SGCD: variants seen among roughly 807,000 people sequenced by gnomAD.
The protein encoded by SGCD is sarcoglycan delta.
In SGCD, 18 loss-of-function variants were observed where a neutral mutation model predicts 36.6. That is an observed-to-expected ratio of 0.49 (90% CI 0.34 to 0.73). The LOEUF is 0.73. Among genes scored for constraint, SGCD ranks in the 30% least tolerant of loss-of-function variants. The pLI is 0.01. For synonymous variants in SGCD, 133 were observed against 130.6 expected (o/e 1.02, Z -0.12); for missense variants, 387 against 346.7 (o/e 1.12, Z -0.92).
intron 1 of SGCD, among the ~76,000 whole-genome samples, chr5:155,929,861 A>T (rs187817168): frequency 2.2e-4 from 34 of 152,254 alleles, no homozygotes; most frequent in African/African-American, 7.9e-4. Context: ...ACAACTTTCC[A>T]TATTCACTTT....
chr5:156,184,371 G>GTTTTTTT lies in SGCD; in HGVS notation c.-44+60360_-44+60366dup, dbSNP rs3036754. 7.1e-5 allele frequency among the ~76,000 whole-genome samples: 10 copies of GTTTTTTT among 141,486 alleles called. 1 individual carries two copies. Among genetic ancestry groups the GTTTTTTT allele is most frequent in the East Asian group, 2.1e-4 (1 of 4,820 alleles). The allele number at this position is 141,486 out of a possible 152,430, so 92.8% of individuals were successfully genotyped here. On this transcript the variant is annotated intron_variant, in intron 3 of 9. Transcript: ENST00000517913. ...TATGAGGAAGGCTGACAAGCAGCCA[G>GTTTTTTT]TTTTTTTTTTTTTTCATTGTAAGCC...
chr5:155,933,171 C>T lies in SGCD; in HGVS notation c.-282+62747C>T, dbSNP rs1006655390. Among the ~76,000 whole-genome samples, 5 of 152,144 alleles carry T rather than the reference C, an allele frequency of 3.3e-5. No individual in the cohort carries two copies. In the East Asian group the frequency reaches 5.8e-4, roughly 18 times the overall value. ...CCTCTTATCCTCTCTTTTCTCTAGC[C>T]GTAGGGGTCTTCTTGGTTTTCAAAA... On this transcript the variant is annotated intron_variant, in intron 1 of 9. Transcript: ENST00000517913.
intron 3 of SGCD, among the ~76,000 whole-genome samples, chr5:156,357,999 C>A (rs1769577340): frequency 6.6e-6 from 1 of 152,222 alleles, no homozygotes; most frequent in South Asian, 2.1e-4. Flanking sequence ...AGTCTCAGTA[C>A]ATTCTGGTCC....
At chr5:156,373,249 G>T (rs548670955) in intron 3 of SGCD, among the ~76,000 whole-genome samples, 1 of 152,180 alleles carries the variant, frequency 6.6e-6, no homozygotes, top group Non-Finnish European at 1.5e-5. Context: ...TTACATTTTC[G>T]ACTTCTTCTT....
At chr5:156,336,164 C>G (rs180967704) in intron 2 of SGCD, among the ~76,000 whole-genome samples, 53 of 152,310 alleles carry the variant, frequency 3.5e-4, no homozygotes, top group Middle Eastern at 6.8e-3. Context: ...CCACACTGTC[C>G]TCCTCACCTG....
rs1396503540 is a variant in SGCD, at chr5:156,050,510, C to G, written c.-281-67368C>G. 1.4e-5 allele frequency among the ~76,000 whole-genome samples: 2 copies of G among 146,648 alleles called. 1 individual carries two copies. Among genetic ancestry groups the G allele is most frequent in the Admixed American group, 1.4e-4 (2 of 14,674 alleles). On this transcript the variant is annotated intron_variant, in intron 1 of 9. Transcript: ENST00000517913. ...ACCTTATTGTGATATTTGCTTTATT[C>G]AGGTAGCCTGTAACTGAGCCTGCAA...
chr5:156,049,174 G>C (rs190014791), intron 1 of SGCD, among the ~76,000 whole-genome samples: 1 of 145,976 alleles, frequency 6.9e-6, no homozygotes. Flanking sequence ...GTTCTGTTCT[G>C]TTGGTCTATA....
chr5:156,204,779 G>A (rs1460680379), intron 3 of SGCD, among the ~76,000 whole-genome samples: 7 of 152,188 alleles, frequency 4.6e-5, no homozygotes, highest in East Asian at 3.9e-4. Context: ...CACAATTGGA[G>A]AGGCAAGATC....
chr5:155,817,664 G>C, the SGCD span, among the ~76,000 whole-genome samples: 7 of 151,932 alleles, frequency 4.6e-5, no homozygotes, highest in Non-Finnish European at 1.0e-4. Flanking sequence ...ATTTATGTAG[G>C]ACCAATGGAA....
the SGCD span, among the ~76,000 whole-genome samples, chr5:155,816,033 T>C: frequency 1.3e-5 from 2 of 152,188 alleles, no homozygotes; most frequent in Non-Finnish European, 2.9e-5. Context: ...ATGAAAACCA[T>C]TGTACTAGGC....
chr5:155,938,356 G>A (rs1479442145), intron 1 of SGCD, among the ~76,000 whole-genome samples: 1 of 152,190 alleles, frequency 6.6e-6, no homozygotes, highest in African/African-American at 2.4e-5. Context: ...AATCACTTGA[G>A]ATTGAATTTT....
At chr5:155,866,237 C>T (rs945830182), upstream of SGCD, among the ~76,000 whole-genome samples, 2 of 151,990 alleles carry the variant, frequency 1.3e-5, no homozygotes, top group African/African-American at 4.8e-5. Flanking sequence ...TTTTCTCTAC[C>T]TCTCTCTCTT....
chr5:156,309,611 T>C (rs1767334224), intron 3 of SGCD, among the ~76,000 whole-genome samples: 1 of 150,366 alleles, frequency 6.7e-6, no homozygotes, highest in Non-Finnish European at 1.5e-5. Flanking sequence ...ATTTTTTTTT[T>C]TTTTTTTGAG....
intron 4 of SGCD, among the ~76,000 whole-genome samples, chr5:156,562,365 G>A (rs535124719): frequency 6.6e-6 from 1 of 152,246 alleles, no homozygotes; most frequent in East Asian, 1.9e-4. Flanking sequence ...AAGGTGGTAA[G>A]GAGATAACAA....
At chr5:156,062,522 T>G (rs1388896319) in intron 1 of SGCD, among the ~76,000 whole-genome samples, 1 of 118,846 alleles carries the variant, frequency 8.4e-6, no homozygotes, top group African/African-American at 3.8e-5. Context: ...ACTTCCACAA[T>G]GGTTGAACTA....
chr5:156,593,063 G>A (rs1368677803), intron 5 of SGCD, among the ~76,000 whole-genome samples: 2 of 152,116 alleles, frequency 1.3e-5, no homozygotes, highest in African/African-American at 2.4e-5. Flanking sequence ...TAAACACAAT[G>A]TCATTTGATT....
chr5:156,257,512 G>GTGA (rs1288705289), intron 3 of SGCD, among the ~76,000 whole-genome samples: 2 of 151,924 alleles, frequency 1.3e-5, no homozygotes, highest in Non-Finnish European at 2.9e-5. Flanking sequence ...TTTACCAATA[G>GTGA]TGATGGTATT....
At chr5:156,199,017 T>C (rs1764084058) in intron 3 of SGCD, among the ~76,000 whole-genome samples, 1 of 152,032 alleles carries the variant, frequency 6.6e-6, no homozygotes, top group Non-Finnish European at 1.5e-5. Flanking sequence ...AATAATTATC[T>C]ATTCGACATG....
At chr5:156,435,215 G>A (rs905788) in intron 3 of SGCD, among the ~76,000 whole-genome samples, 29,027 of 152,114 alleles carry the variant, frequency 0.19, 3,370 homozygotes, top group African/African-American at 0.31. Context: ...AGAAAATGAG[G>A]CACAGAAAGG....
Sources: gnomAD v4.1 joint callset for allele counts (sites outside exome capture counted in the v4.1 genomes callset) on GRCh38, gnomAD v4.1.1 for gene constraint, MANE v1.5 for transcripts, NCBI Gene and HGNC (gene_info 2026-07-23, HGNC 2026-07-21) for gene names.